The following PDE8B variants were observed in gnomAD, a reference collection of about 807,000 sequenced individuals.
The protein encoded by PDE8B is high affinity cAMP-specific and IBMX-insensitive 3',5'-cyclic phosphodiesterase 8B.
Under a neutral mutation model 101.3 loss-of-function variants are expected in PDE8B, and 26 were observed. The ratio of observed to expected loss-of-function variants is 0.26; its 90% confidence interval spans 0.19 to 0.36. The LOEUF is 0.36. Among genes scored for constraint, PDE8B ranks in the 10% least tolerant of loss-of-function variants. The pLI is 1.00. For synonymous variants in PDE8B, 424 were observed against 429.3 expected (o/e 0.99, Z 0.15); for missense variants, 810 against 1,163.1 (o/e 0.70, Z 4.42).
At chr5:77,145,763 G>C in the PDE8B span, 1 of 152,108 alleles carries the variant, frequency 6.6e-6, no homozygotes, top group African/African-American at 2.4e-5. Context: ...AAACTGAAAG[G>C]GACGGAAAGA....
the PDE8B span, chr5:77,104,852 G>T: frequency 2.0e-5 from 3 of 151,916 alleles, no homozygotes; most frequent in African/African-American, 7.3e-5. Flanking sequence ...TTTTAAATAT[G>T]CATTTGAGTA....
At chr5:77,152,077 T>C in the PDE8B span, 1 of 151,714 alleles carries the variant, frequency 6.6e-6, no homozygotes, top group Non-Finnish European at 1.5e-5. Context: ...AAAGAGTCCA[T>C]CTAAAGCTAA....
intron 20 of PDE8B, among the ~76,000 whole-genome samples, chr5:77,423,145 G>C (rs909883867): frequency 6.6e-6 from 1 of 152,224 alleles, no homozygotes; most frequent in East Asian, 1.9e-4. Flanking sequence ...TTCACTTTAG[G>C]ATAATGGCCT....
chr5:77,106,811 A>G, the PDE8B span, among the ~76,000 whole-genome samples: 2 of 152,172 alleles, frequency 1.3e-5, no homozygotes, highest in African/African-American at 2.4e-5. Flanking sequence ...GATCTTACAT[A>G]AACTTTGTTA....
intron 1 of PDE8B, among the ~76,000 whole-genome samples, chr5:77,276,658 A>G (rs1434548072): frequency 6.6e-6 from 1 of 152,212 alleles, no homozygotes; most frequent in African/African-American, 2.4e-5. Context: ...ACTCAGTAGT[A>G]GTGATTGCAG....
intron 1 of PDE8B, among the ~76,000 whole-genome samples, chr5:77,307,992 T>C (rs1244702134): frequency 6.6e-6 from 1 of 152,254 alleles, no homozygotes; most frequent in Non-Finnish European, 1.5e-5. Flanking sequence ...AATCTTGGCC[T>C]GGCTACACAG....
intron 10 of PDE8B, among the ~76,000 whole-genome samples, chr5:77,392,665 C>G (rs544613457): frequency 6.6e-6 from 1 of 152,298 alleles, no homozygotes; most frequent in Non-Finnish European, 1.5e-5. Context: ...TTGCTTTGGC[C>G]TCCACACTCC....
chr5:77,355,637 G>A (rs1781956564), intron 10 of PDE8B, among the ~76,000 whole-genome samples: 1 of 152,194 alleles, frequency 6.6e-6, no homozygotes, highest in African/African-American at 2.4e-5. Flanking sequence ...TGCTCAGTGA[G>A]GTTTGTCTGT....
chr5:77,344,617 G>A (rs1037161181), intron 6 of PDE8B, among the ~76,000 whole-genome samples: 1 of 152,172 alleles, frequency 6.6e-6, no homozygotes, highest in African/African-American at 2.4e-5. Flanking sequence ...TCCCATTCAT[G>A]AGGATGAAGC....
At chr5:77,382,162 C>T (rs547972532) in intron 10 of PDE8B, among the ~76,000 whole-genome samples, 1 of 152,292 alleles carries the variant, frequency 6.6e-6, no homozygotes, top group Admixed American at 6.5e-5. Context: ...AGTGAATACA[C>T]ATGTACTCAG....
At chr5:77,242,658 CT>C (rs149164960) in intron 1 of PDE8B, among the ~76,000 whole-genome samples, 4 of 152,084 alleles carry the variant, frequency 2.6e-5, no homozygotes, top group Non-Finnish European at 5.9e-5. Flanking sequence ...ATTTCTTTTT[CT>C]TTTTTTAATT....
chr5:77,268,647 A>G (rs760462092), intron 1 of PDE8B, among the ~76,000 whole-genome samples: 1 of 151,938 alleles, frequency 6.6e-6, no homozygotes, highest in East Asian at 2.0e-4. Flanking sequence ...TTCACTTAAC[A>G]TAATGACTTC....
chr5:77,233,557 A>G (rs1030319923), intron 1 of PDE8B, among the ~76,000 whole-genome samples: 2 of 152,250 alleles, frequency 1.3e-5, no homozygotes, highest in Non-Finnish European at 2.9e-5. Flanking sequence ...CTGATCTGAA[A>G]GAAGACTTGA....
chr5:77,405,976 G>A (rs1226647521), intron 12 of PDE8B, among the ~76,000 whole-genome samples: 1 of 152,130 alleles, frequency 6.6e-6, no homozygotes, highest in Non-Finnish European at 1.5e-5. Flanking sequence ...TACACAGTAG[G>A]AAGACTGAGT....
chr5:77,390,825 AG>A (rs1263794344), intron 10 of PDE8B, among the ~76,000 whole-genome samples: 3 of 152,220 alleles, frequency 2.0e-5, no homozygotes, highest in Non-Finnish European at 4.4e-5. Flanking sequence ...TTAGAGCCAA[AG>A]GGACACATTT....
Position 77,407,468 on chromosome 5 carries a change from G to A in PDE8B, c.1365+11G>A, listed in dbSNP as rs1374712050. 1.3e-6 allele frequency: 2 copies of A among 1,598,926 alleles called. No individual in the cohort carries two copies. Among genetic ancestry groups the A allele is most frequent in the East Asian group, 4.5e-5 (2 of 44,802 alleles). Reference sequence around the variant, plus strand: ...GCTCCCATCACAAAGGTGAGTGGCGGCTGCTGCCTGCACTCTGCAGTCAGG... The same window carrying A: ...GCTCCCATCACAAAGGTGAGTGGCGACTGCTGCCTGCACTCTGCAGTCAGG... On this transcript the variant is annotated intron_variant, in intron 13 of 21. Coordinates refer to ENST00000264917, the MANE Select transcript of PDE8B (RefSeq NM_003719.5).
the PDE8B span, among the ~76,000 whole-genome samples, chr5:77,160,335 C>T: frequency 6.6e-6 from 1 of 152,174 alleles, no homozygotes; most frequent in Admixed American, 6.5e-5. Flanking sequence ...CCAAAATCTG[C>T]ACGTACTCGA....
chr5:77,413,195 C>T lies in PDE8B; in HGVS notation c.1797C>T (p.Ala599=). The stretch of plus-strand genomic sequence containing the variant: ...ACTGTTCTGAAACCACTCTTCGGGC[C>T]TGGTTCCAAGTGATCGAAGCCAACT... ...FLNCSETTLR[A]WFQVIEANYH... Residue 599 remains alanine, a synonymous_variant, in exon 17 of 22, where the codon GCC becomes GCT. Coordinates refer to ENST00000264917, the MANE Select transcript of PDE8B (RefSeq NM_003719.5). 1 of 1,613,776 alleles carries T rather than the reference C, an allele frequency of 6.2e-7. No homozygotes were observed. Among genetic ancestry groups the T allele is most frequent in the Non-Finnish European group, 8.5e-7 (1 of 1,179,690 alleles).
chr5:77,178,196 G>C, the PDE8B span, among the ~76,000 whole-genome samples: 5 of 152,178 alleles, frequency 3.3e-5, no homozygotes, highest in Non-Finnish European at 5.9e-5. Flanking sequence ...GAGGAATTCA[G>C]AGGATTTGGT....
Sources: gnomAD v4.1 joint callset for allele counts (sites outside exome capture counted in the v4.1 genomes callset) on GRCh38, gnomAD v4.1.1 for gene constraint, MANE v1.5 for transcripts, NCBI Gene and HGNC (gene_info 2026-07-23, HGNC 2026-07-21) for gene names.